The following NWD2 variants were observed in gnomAD, a reference collection of about 807,000 sequenced individuals.
The protein encoded by NWD2 is NACHT and WD repeat domain-containing protein 2.
NWD2 carries 37 observed loss-of-function variants against 132.7 expected under a neutral mutation model. That is an observed-to-expected ratio of 0.28 (90% confidence interval 0.21 to 0.37). The LOEUF is 0.37. Among genes scored for constraint, NWD2 ranks in the 10% least tolerant of loss-of-function variants. NWD2 has a pLI of 1.00. For synonymous variants in NWD2, 705 were observed against 803.0 expected, an observed-to-expected ratio of 0.88 and a Z score of 2.06; for missense variants, 1,592 against 2,122.4, an observed-to-expected ratio of 0.75 and a Z score of 4.91.
In NWD2 at chr4:37,439,487, T is replaced by C. The variant is rs1377120170; in HGVS notation, c.1296+97T>C. On this transcript the variant is annotated intron_variant, in intron 6 of 6. Transcript: ENST00000309447. The surrounding 1 kb of genome is among the most constrained non-coding windows in gnomAD (Gnocchi z 4.5). ...TCATTTCTACTTTCTGAGTTTACTATGTGAATTATAGTTGGTCTTTTAGGA... is the reference window on the plus strand; with the variant it reads ...TCATTTCTACTTTCTGAGTTTACTACGTGAATTATAGTTGGTCTTTTAGGA... 40 of 892,364 alleles carry C rather than the reference T, an allele frequency of 4.5e-5. No individual in the cohort carries two copies. The highest frequency in any genetic ancestry group is 5.5e-5 in the Non-Finnish European group (34 of 612,648). The allele number at this position is 892,364 out of a possible 1,614,324, so 55.3% of individuals were successfully genotyped here. A position where few individuals can be genotyped will look rare whatever the true frequency, so the allele number is the denominator to read the frequency against.
Position 37,430,576 on chromosome 4 carries a change from T to C in NWD2, c.362T>C (p.Leu121Pro), listed in dbSNP as rs1227568281. 2 of 1,550,940 alleles carry C rather than the reference T, an allele frequency of 1.3e-6. No homozygotes were observed. Among genetic ancestry groups the C allele is most frequent in the Non-Finnish European group, 1.7e-6 (2 of 1,146,444 alleles). The change falls in exon 4 of 7, where the codon CTA (leucine) becomes CCA (proline). Residue 121 changes from leucine to proline, a missense_variant. Physicochemically the swap from Leu to Pro is moderately conservative, Grantham distance 98 (BLOSUM62 -3). This residue lies in a region of NWD2 where 144 missense variants were observed against 185.7 expected (regional missense o/e 0.78). Transcript: ENST00000309447. ...KTSAGPCFVG[L>P]LGEKYGNIRI... The stretch of plus-strand genomic sequence containing the variant: ...AACTTTCTTGTTGATACACAGGGAC[T>C]ATTAGGTGAAAAATATGGGAATATC...
At chr4:37,304,537 G>A (rs893270166) in intron 1 of NWD2, among the ~76,000 whole-genome samples, 4 of 150,458 alleles carry the variant, frequency 2.7e-5, no homozygotes, top group African/African-American at 9.7e-5. Context: ...AAACAAGTTA[G>A]TCACTTCTGG....
At chr4:37,389,892 T>G (rs560047829) in intron 3 of NWD2, among the ~76,000 whole-genome samples, 5 of 152,256 alleles carry the variant, frequency 3.3e-5, no homozygotes, top group Non-Finnish European at 7.4e-5. Flanking sequence ...GAGATTCTCC[T>G]GCTTCAGCCT....
At chr4:37,294,759 G>T (rs1437037339) in intron 1 of NWD2, among the ~76,000 whole-genome samples, 1 of 152,148 alleles carries the variant, frequency 6.6e-6, no homozygotes, top group Non-Finnish European at 1.5e-5. Context: ...CAAAGAGTAA[G>T]CAAAAATTAG....
intron 3 of NWD2, among the ~76,000 whole-genome samples, chr4:37,390,384 C>T (rs936598): frequency 0.5 from 75,084 of 151,546 alleles, 18,806 homozygotes; most frequent in Non-Finnish European, 0.52. Context: ...ACTATATTCA[C>T]GTGTGTGCTT....
At chr4:37,309,609 G>A (rs1718789796) in intron 1 of NWD2, among the ~76,000 whole-genome samples, 1 of 151,880 alleles carries the variant, frequency 6.6e-6, no homozygotes, top group South Asian at 2.1e-4. Flanking sequence ...GGGGAGGTGG[G>A]AACTCAGCAT....
At chr4:37,399,086 GTTC>G (rs1720856803) in intron 3 of NWD2, among the ~76,000 whole-genome samples, 1 of 152,218 alleles carries the variant, frequency 6.6e-6, no homozygotes, top group Admixed American at 6.5e-5. Context: ...CATATTTAAT[GTTC>G]TTTTTAAATG....
chr4:37,291,987 T>G (rs546614805), intron 1 of NWD2, among the ~76,000 whole-genome samples: 1 of 152,312 alleles, frequency 6.6e-6, no homozygotes, highest in East Asian at 1.9e-4. Context: ...GCTCCTGAAG[T>G]GAAGATCACT....
intron 1 of NWD2, among the ~76,000 whole-genome samples, chr4:37,316,013 C>A (rs1718949504): frequency 6.6e-6 from 1 of 151,848 alleles, no homozygotes; most frequent in Non-Finnish European, 1.5e-5. Context: ...ATGTTAAAAT[C>A]CAAAGGTACA....
intron 3 of NWD2, among the ~76,000 whole-genome samples, chr4:37,385,402 C>A (rs1720539194): frequency 6.6e-6 from 1 of 152,148 alleles, no homozygotes; most frequent in Non-Finnish European, 1.5e-5. Context: ...AATTTCACCA[C>A]CCTGACATAC....
intron 1 of NWD2, among the ~76,000 whole-genome samples, chr4:37,283,779 T>C (rs1718174589): frequency 6.6e-6 from 1 of 152,124 alleles, no homozygotes; most frequent in Admixed American, 6.6e-5. Flanking sequence ...AAAACCAGTA[T>C]CTCTGGGGAG....
chr4:37,398,023 G>A (rs1427400177), intron 3 of NWD2, among the ~76,000 whole-genome samples: 1 of 152,180 alleles, frequency 6.6e-6, no homozygotes, highest in African/African-American at 2.4e-5. Context: ...CCGCAACTGA[G>A]TGAGTTGCAC....
intron 3 of NWD2, among the ~76,000 whole-genome samples, chr4:37,363,009 T>G (rs978709438): frequency 6.6e-6 from 1 of 152,140 alleles, no homozygotes; most frequent in Non-Finnish European, 1.5e-5. Flanking sequence ...AAACAGACAC[T>G]TCTCAAAAGA....
At chr4:37,435,452 A>T (rs2109327847) in intron 5 of NWD2, among the ~76,000 whole-genome samples, 1 of 152,298 alleles carries the variant, frequency 6.6e-6, no homozygotes, top group Non-Finnish European at 1.5e-5. Flanking sequence ...AGGAATAAGT[A>T]CTGTATTTAA....
intron 2 of NWD2, among the ~76,000 whole-genome samples, chr4:37,338,970 A>C (rs1329435010): frequency 6.6e-6 from 1 of 152,210 alleles, no homozygotes; most frequent in Non-Finnish European, 1.5e-5. Context: ...CAAGTAACTG[A>C]TCATCCCTTT....
intron 1 of NWD2, among the ~76,000 whole-genome samples, chr4:37,292,268 A>G (rs1392496919): frequency 6.6e-6 from 1 of 151,644 alleles, no homozygotes; most frequent in African/African-American, 2.4e-5. Context: ...AAAATGTGAT[A>G]GTATTAAGAA....
chr4:37,431,980 G>C (rs1018956799), intron 4 of NWD2, among the ~76,000 whole-genome samples: 2 of 80,420 alleles, frequency 2.5e-5, no homozygotes, highest in Non-Finnish European at 4.9e-5. Flanking sequence ...ATTGGTTAAA[G>C]TTCCATTAAT....
At chr4:37,328,594 A>G (rs1023558191) in intron 2 of NWD2, among the ~76,000 whole-genome samples, 4 of 152,080 alleles carry the variant, frequency 2.6e-5, no homozygotes, top group Non-Finnish European at 4.4e-5. Flanking sequence ...TTATGGCTGC[A>G]TAGTATTCCA....
chr4:37,253,774 G>A (rs1287205237), intron 1 of NWD2, among the ~76,000 whole-genome samples: 2 of 152,274 alleles, frequency 1.3e-5, no homozygotes, highest in East Asian at 3.9e-4. Context: ...ACTAAGTTTT[G>A]AAGTAGATTG....
Sources: allele counts gnomAD v4.1 joint callset (sites outside exome capture counted in the v4.1 genomes callset), GRCh38; gene constraint gnomAD v4.1.1; regional missense constraint gnomAD v4.1.1; non-coding constraint Gnocchi (gnomAD v3.1); transcripts MANE v1.5; gene names NCBI Gene and HGNC (gene_info 2026-07-23, HGNC 2026-07-21).